Variants in UNC13C observed in about 807,000 individuals in gnomAD.
UNC13C encodes protein unc-13 homolog C.
Under a neutral mutation model 245.4 loss-of-function variants are expected in UNC13C, and 174 were observed. The ratio of observed to expected loss-of-function variants is 0.71; its 90% CI spans 0.63 to 0.80. The LOEUF is 0.80. Ranked by LOEUF, UNC13C falls within the 30% of genes least tolerant of loss-of-function variation. UNC13C has a pLI of 0.00. For missense variants in UNC13C, 2,829 were observed against 2,602.9 expected (o/e 1.09, Z -1.89); for synonymous variants, 992 against 895.1 (o/e 1.11, Z -1.93).
chr15:53,932,699 T>G, the UNC13C span, among the ~76,000 whole-genome samples: 2 of 152,182 alleles, frequency 1.3e-5, no homozygotes, highest in Non-Finnish European at 2.9e-5. Context: ...TATTGCAGTT[T>G]CCTTAGCTTT....
chr15:54,362,859 A>T, intron 17 of UNC13C, among the ~76,000 whole-genome samples: 1 of 152,242 alleles, frequency 6.6e-6, no homozygotes, highest in African/African-American at 2.4e-5. Context: ...CATTGGGGAT[A>T]GACAGATCAT....
At chr15:54,560,168 A>G (rs1243918617) in intron 29 of UNC13C, among the ~76,000 whole-genome samples, 2 of 152,004 alleles carry the variant, frequency 1.3e-5, no homozygotes, top group African/African-American at 4.8e-5. Flanking sequence ...TGCCGAAAAT[A>G]TGATACAGGT....
intron 4 of UNC13C, among the ~76,000 whole-genome samples, chr15:54,196,502 G>C (rs978786806): frequency 2.0e-5 from 3 of 152,080 alleles, no homozygotes; most frequent in African/African-American, 7.2e-5. Flanking sequence ...TGTAACCTTA[G>C]TACCCAAATC....
At chr15:54,176,055 C>CT (rs1251487784) in intron 4 of UNC13C, among the ~76,000 whole-genome samples, 3 of 150,550 alleles carry the variant, frequency 2.0e-5, no homozygotes, top group Non-Finnish European at 3.0e-5. Flanking sequence ...GATGTCTACT[C>CT]TTTTTTTGTT....
intron 17 of UNC13C, among the ~76,000 whole-genome samples, chr15:54,381,507 G>T (rs2039724279): frequency 6.6e-6 from 1 of 152,068 alleles, no homozygotes; most frequent in South Asian, 2.1e-4. Flanking sequence ...TTGGCATTTT[G>T]ATAGTGATTG....
At chr15:54,381,769 A>G (rs1200455991) in intron 17 of UNC13C, among the ~76,000 whole-genome samples, 1 of 152,200 alleles carries the variant, frequency 6.6e-6, no homozygotes, top group Non-Finnish European at 1.5e-5. Context: ...ATCTAAAAAT[A>G]TCTTTTAAAA....
intron 2 of UNC13C, among the ~76,000 whole-genome samples, chr15:54,122,437 A>G (rs1477207751): frequency 6.6e-6 from 1 of 152,020 alleles, no homozygotes; most frequent in Non-Finnish European, 1.5e-5. Flanking sequence ...CAATCCTTTA[A>G]CATGGTGAAT....
chr15:54,225,176 T>TG (rs1042752658), intron 4 of UNC13C, among the ~76,000 whole-genome samples: 1 of 152,030 alleles, frequency 6.6e-6, no homozygotes, highest in African/African-American at 2.4e-5. Flanking sequence ...CTGTCTTTTT[T>TG]TTTTTAACTA....
the UNC13C span, among the ~76,000 whole-genome samples, chr15:53,881,091 A>G: frequency 2.0e-5 from 3 of 152,184 alleles, no homozygotes; most frequent in African/African-American, 7.2e-5. Flanking sequence ...AAGGAAATAA[A>G]TCTATCATTT....
intron 7 of UNC13C, among the ~76,000 whole-genome samples, chr15:54,238,137 C>T (rs995110403): frequency 1.4e-4 from 19 of 139,376 alleles, no homozygotes; most frequent in Admixed American, 3.8e-4. Context: ...TGCAGTGGCA[C>T]GATCTCGGCT....
At chr15:54,368,667 A>G (rs1342167944) in intron 17 of UNC13C, among the ~76,000 whole-genome samples, 2 of 152,016 alleles carry the variant, frequency 1.3e-5, no homozygotes, top group East Asian at 3.9e-4. Context: ...ATTTATGTTA[A>G]TTTTCTTAAG....
the UNC13C span, among the ~76,000 whole-genome samples, chr15:53,923,924 G>T: frequency 2.6e-5 from 4 of 152,316 alleles, no homozygotes; most frequent in East Asian, 1.9e-4. Flanking sequence ...GAGACAGCAC[G>T]GGCTGGGCGC....
chr15:54,360,147 C>T (rs8036880), intron 17 of UNC13C, among the ~76,000 whole-genome samples: 71,008 of 151,716 alleles, frequency 0.47, 16,977 homozygotes, highest in East Asian at 0.73. Flanking sequence ...TTAGGTTTTT[C>T]CATTGTAATC....
At chr15:54,489,350 A>T (rs971100167) in intron 19 of UNC13C, among the ~76,000 whole-genome samples, 3 of 152,196 alleles carry the variant, frequency 2.0e-5, no homozygotes, top group Non-Finnish European at 2.9e-5. Context: ...CAAAGCCTGT[A>T]TACTTTTATC....
At chr15:54,162,152 A>G (rs746494862) in intron 4 of UNC13C, among the ~76,000 whole-genome samples, 2 of 152,072 alleles carry the variant, frequency 1.3e-5, no homozygotes, top group Non-Finnish European at 2.9e-5. Context: ...GCTGATGTCT[A>G]TTGTTTAGGA....
intron 2 of UNC13C, among the ~76,000 whole-genome samples, chr15:54,103,137 G>A (rs549506613): frequency 3.3e-5 from 5 of 152,222 alleles, no homozygotes; most frequent in South Asian, 2.1e-4. Flanking sequence ...GTTTCATTCC[G>A]ATCACAGACT....
chr15:54,520,361 T>G (rs187647182), intron 24 of UNC13C, among the ~76,000 whole-genome samples: 1 of 152,182 alleles, frequency 6.6e-6, no homozygotes, highest in Admixed American at 6.5e-5. Context: ...GATAAATAAA[T>G]TAAGAATAGT....
chr15:53,858,304 T>A, the UNC13C span, among the ~76,000 whole-genome samples: 1 of 152,170 alleles, frequency 6.6e-6, no homozygotes, highest in Non-Finnish European at 1.5e-5. Context: ...TAAGTTAAAT[T>A]ATGTTTGGTT....
chr15:53,865,635 CCA>C, the UNC13C span, among the ~76,000 whole-genome samples: 15 of 151,884 alleles, frequency 9.9e-5, no homozygotes, highest in Non-Finnish European at 2.2e-4. Context: ...AAAATTTAGC[CCA>C]TAACAGTGAC....
Sources: allele counts gnomAD v4.1 joint callset (sites outside exome capture counted in the v4.1 genomes callset), GRCh38; gene constraint gnomAD v4.1.1; transcripts MANE v1.5; gene names NCBI Gene and HGNC (gene_info 2026-07-23, HGNC 2026-07-21).